The following SHISA9 variants were observed in gnomAD, a reference collection of about 807,000 sequenced individuals.
SHISA9 encodes the protein shisa family member 9, also known as protein shisa-9.
SHISA9 carries 13 observed loss-of-function variants against 38.0 expected under a neutral mutation model. The ratio of observed to expected loss-of-function variants is 0.34; its 90% confidence interval spans 0.22 to 0.54. The LOEUF (loss-of-function observed/expected upper bound fraction) is 0.54. Among genes scored for constraint, SHISA9 ranks in the 20% least tolerant of loss-of-function variants. The pLI is 0.91. For missense variants in SHISA9, 538 were observed against 575.8 expected (o/e 0.93, Z 0.67); for synonymous variants, 275 against 242.0 (o/e 1.14, Z -1.27).
At chr16:13,453,882 A>G in the SHISA9 span, among the ~76,000 whole-genome samples, 1 of 152,232 alleles carries the variant, frequency 6.6e-6, no homozygotes, top group African/African-American at 2.4e-5. Flanking sequence ...CACTGTCTTT[A>G]GAACATGAAT....
chr16:13,352,016 C>T, the SHISA9 span, among the ~76,000 whole-genome samples: 5 of 152,138 alleles, frequency 3.3e-5, no homozygotes, highest in African/African-American at 1.2e-4. Context: ...GCTTTCCTGA[C>T]ATCAAAGGAT....
rs1567184073 is a variant in SHISA9, at chr16:13,019,884, C to CTCCTTTCT, written c.691+103070_691+103071insCCTTTCTT. ...CCTCCCTCCCTCCCTCCCTCCCTCC[C>CTCCTTTCT]TTCTTTCTTTCTTTCTTTCTTTCTT... On this transcript the variant is annotated intron_variant, in intron 2 of 4. Coordinates refer to ENST00000558583, the MANE Select transcript of SHISA9 (RefSeq NM_001145204.3). 3.3e-3 allele frequency among the ~76,000 whole-genome samples: 70 copies of CTCCTTTCT among 20,916 alleles called. 7 individuals are homozygous for CTCCTTTCT. Among genetic ancestry groups the CTCCTTTCT allele is most frequent in the East Asian group, 0.016 (10 of 624 alleles). The allele number at this position is 20,916 out of a possible 152,430, so 13.7% of individuals were successfully genotyped here.
the SHISA9 span, among the ~76,000 whole-genome samples, chr16:13,278,065 C>T: frequency 4.6e-5 from 7 of 151,940 alleles, no homozygotes; most frequent in African/African-American, 1.5e-4. Flanking sequence ...TCATAGATGG[C>T]TTTTATTACC....
chr16:13,231,813 A>C (rs1478997933), intron 4 of SHISA9, among the ~76,000 whole-genome samples: 1 of 152,228 alleles, frequency 6.6e-6, no homozygotes, highest in Admixed American at 6.5e-5. Flanking sequence ...TTTTTGTTTC[A>C]GTCCTGAAAC....
chr16:13,306,707 G>A, the SHISA9 span, among the ~76,000 whole-genome samples: 26 of 152,254 alleles, frequency 1.7e-4, no homozygotes, highest in African/African-American at 5.8e-4. Flanking sequence ...ATCTTTCAGA[G>A]CAAGACATTA....
At chr16:13,151,945 A>G (rs1179831026) in intron 2 of SHISA9, among the ~76,000 whole-genome samples, 1 of 152,200 alleles carries the variant, frequency 6.6e-6, no homozygotes, top group Non-Finnish European at 1.5e-5. Flanking sequence ...AGTAGGTGTT[A>G]TCATTTGTTT....
At chr16:13,471,961 G>T in the SHISA9 span, among the ~76,000 whole-genome samples, 1 of 152,174 alleles carries the variant, frequency 6.6e-6, no homozygotes, top group Non-Finnish European at 1.5e-5. Context: ...AGGGAGGAAA[G>T]GGTCAGTGAG....
At chr16:13,092,580 G>A (rs548923447) in intron 2 of SHISA9, among the ~76,000 whole-genome samples, 112 of 152,338 alleles carry the variant, frequency 7.4e-4, no homozygotes, top group African/African-American at 2.5e-3. Flanking sequence ...ATCTCAGACG[G>A]CTGCGCTAGC....
intron 2 of SHISA9, among the ~76,000 whole-genome samples, chr16:13,043,832 C>A (rs2073159141): frequency 6.6e-6 from 1 of 152,174 alleles, no homozygotes; most frequent in Non-Finnish European, 1.5e-5. Context: ...CTGGATATCC[C>A]CTGCCATCTC....
intron 2 of SHISA9, among the ~76,000 whole-genome samples, chr16:13,098,745 G>A (rs564951478): frequency 5.6e-4 from 85 of 152,190 alleles, no homozygotes; most frequent in Non-Finnish European, 1.0e-3. Flanking sequence ...CTCCAGGAAC[G>A]GAACTCAGAG....
intron 2 of SHISA9, among the ~76,000 whole-genome samples, chr16:12,977,736 A>G (rs1253418325): frequency 6.6e-6 from 1 of 152,092 alleles, no homozygotes; most frequent in African/African-American, 2.4e-5. Flanking sequence ...CAAACACCGC[A>G]TGGTCTCACT....
At chr16:13,317,957 A>G in the SHISA9 span, among the ~76,000 whole-genome samples, 1 of 151,358 alleles carries the variant, frequency 6.6e-6, no homozygotes, top group Admixed American at 6.6e-5. Context: ...TGACATTGGT[A>G]TATAAATGGA....
the SHISA9 span, among the ~76,000 whole-genome samples, chr16:13,357,516 G>A: frequency 1.3e-5 from 2 of 152,162 alleles, no homozygotes; most frequent in Admixed American, 6.5e-5. Context: ...GCAAAGAGCA[G>A]GAGGACAGGG....
At chr16:13,226,257 C>G (rs1354125995) in intron 4 of SHISA9, among the ~76,000 whole-genome samples, 1 of 152,160 alleles carries the variant, frequency 6.6e-6, no homozygotes, top group Non-Finnish European at 1.5e-5. Context: ...GGAAATGATT[C>G]ATCCATCTAA....
chr16:13,347,068 AAG>A, the SHISA9 span, among the ~76,000 whole-genome samples: 1 of 152,154 alleles, frequency 6.6e-6, no homozygotes, highest in African/African-American at 2.4e-5. Flanking sequence ...AATCAAAGGA[AAG>A]TTGTATTGTG....
the SHISA9 span, among the ~76,000 whole-genome samples, chr16:13,532,699 T>C: frequency 6.6e-6 from 1 of 152,104 alleles, no homozygotes; most frequent in Non-Finnish European, 1.5e-5. Context: ...GACAATTTCT[T>C]TTCCTTCCTG....
rs779389593 is a variant in SHISA9, at chr16:13,186,644, A to G, written c.692-16750A>G. ...TGTACATTTCCGTAGAGTTTAGTAC[A>G]TTCGCATTGTTGTGCAACCAATTTC... On this transcript the variant is annotated intron_variant, in intron 2 of 4. Transcript: ENST00000558583. 5.9e-5 allele frequency among the ~76,000 whole-genome samples: 9 copies of G among 152,282 alleles called. No homozygotes were observed. The South Asian group carries it at 1.5e-3, about 25-fold the overall frequency.
chr16:13,331,744 A>T, the SHISA9 span: 4 of 152,256 alleles, frequency 2.6e-5, no homozygotes, highest in East Asian at 7.7e-4. Context: ...TCTGATTCCA[A>T]TGCCACCATT....
the SHISA9 span, among the ~76,000 whole-genome samples, chr16:13,500,238 T>C: frequency 6.6e-6 from 1 of 152,190 alleles, no homozygotes; most frequent in Non-Finnish European, 1.5e-5. Flanking sequence ...CTTGCCGCCA[T>C]GTGAGACGGT....
Sources: allele counts gnomAD v4.1 joint callset (sites outside exome capture counted in the v4.1 genomes callset), GRCh38; gene constraint gnomAD v4.1.1; transcripts MANE v1.5; gene names NCBI Gene and HGNC (gene_info 2026-07-23, HGNC 2026-07-21).